Variants in HTT observed in about 807,000 individuals in gnomAD.
HTT encodes the protein huntington disease protein.
Under a neutral mutation model 362.3 loss-of-function variants are expected in HTT, and 104 were observed. The observed-to-expected ratio is 0.29, with a 90% CI of 0.24 to 0.34. The LOEUF (loss-of-function observed/expected upper bound fraction) is 0.34, where lower values mean the gene tolerates loss of function less well. Ranked by LOEUF, HTT falls within the 10% of genes least tolerant of loss-of-function variation. HTT has a pLI of 1.00. For synonymous variants in HTT, 1,577 were observed against 1,548.7 expected (o/e 1.02, Z -0.43); for missense variants, 3,301 against 3,928.6 (o/e 0.84, Z 4.27).
chr4:3,217,096 T>A (rs1301663716), intron 51 of HTT, among the ~76,000 whole-genome samples: 1 of 152,032 alleles, frequency 6.6e-6, no homozygotes, highest in Non-Finnish European at 1.5e-5. Flanking sequence ...CAATGAGAAG[T>A]CCTTCTCTAT....
At chr4:3,136,112 A>G (rs748244195) in intron 20 of HTT, 114 bp from the exon 21 acceptor site, 183 of 897,684 alleles carry the variant, frequency 2.0e-4, no homozygotes, top group Non-Finnish European at 2.5e-4. Context: ...ATCTTGTCAT[A>G]TGGATTTAAG....
intron 1 of HTT, among the ~76,000 whole-genome samples, chr4:3,080,921 A>C (rs145093539): frequency 2.6e-4 from 40 of 152,330 alleles, no homozygotes; most frequent in Non-Finnish European, 5.0e-4. Flanking sequence ...ATTTATTTCT[A>C]GACTGTCAGT....
intron 1 of HTT, among the ~76,000 whole-genome samples, chr4:3,086,100 C>G (rs148195450): frequency 2.0e-5 from 3 of 152,198 alleles, no homozygotes; most frequent in Non-Finnish European, 2.9e-5. Flanking sequence ...TGTGTTTCTT[C>G]TAATTGAATT....
intron 3 of HTT, among the ~76,000 whole-genome samples, chr4:3,100,760 G>A (rs1714112652): frequency 1.3e-5 from 2 of 152,158 alleles, no homozygotes; most frequent in Non-Finnish European, 1.5e-5. Context: ...ACAGGGTCTC[G>A]CTCAGTCACC....
chr4:3,102,092 A>G (rs1714187780), intron 3 of HTT, among the ~76,000 whole-genome samples: 1 of 152,172 alleles, frequency 6.6e-6, no homozygotes, highest in South Asian at 2.1e-4. Flanking sequence ...TGTATCATTT[A>G]GGAAGAGTGA....
rs749684122 is a variant in HTT, at chr4:3,136,226, C to G, written c.2698C>G (p.Leu900Val). 1.4e-5 allele frequency: 22 copies of G among 1,594,038 alleles called. No homozygotes were observed. The highest frequency in any genetic ancestry group is 1.7e-5 in the Non-Finnish European group (20 of 1,163,094). Residue 900 changes from leucine to valine, a missense_variant and splice_region_variant, in exon 21 of 67, where the codon CTT becomes GTT. Around this residue, in one of 4 missense-constraint regions of HTT, gnomAD observed 2,316 missense variants for 2,658.5 expected, o/e 0.87. Coordinates refer to ENST00000355072, the MANE Select transcript of HTT (RefSeq NM_001388492.1). The part of the protein sequence containing the change: ...LHRGAHHYTG[L>V]LKLQERVLNN... ...ATTTTTATTATCCTTCTCTCTAAAG[C>G]TTTTAAAACTGCAAGAACGAGTGCT...
chr4:3,231,768 C>T (rs1028389174), intron 60 of HTT, among the ~76,000 whole-genome samples: 1 of 152,156 alleles, frequency 6.6e-6, no homozygotes, highest in African/African-American at 2.4e-5. Flanking sequence ...GGGTCCTTCT[C>T]CTTTGTGGGA....
At position 3,131,779 on chromosome 4, in the gene HTT, T is replaced by C. The variant is rs1178579120; in HGVS notation, c.2236+4T>C. The C allele has an allele frequency of 1.9e-6, 3 of 1,608,662 alleles. No homozygotes were observed. The highest frequency in any genetic ancestry group is 2.5e-6 in the Non-Finnish European group (3 of 1,177,492). On this transcript the variant is annotated splice_donor_region_variant and intron_variant, in intron 16 of 66. Coordinates refer to ENST00000355072, the MANE Select transcript of HTT (RefSeq NM_001388492.1). The stretch of plus-strand genomic sequence containing the variant: ...CTTGACACCACGGAATACCCTGGTA[T>C]GTTAAAAGTTCACATCTTATTTTCT...
At chr4:3,207,031 A>C (rs1214119794) in intron 44 of HTT, 48 bp downstream of exon 44, 59 of 1,539,174 alleles carry the variant, frequency 3.8e-5, no homozygotes, top group Non-Finnish European at 5.0e-5. Flanking sequence ...AAAATTTAGC[A>C]GGCCAAGCAA....
chr4:3,110,500 G>A (rs746529919), intron 6 of HTT, among the ~76,000 whole-genome samples: 4 of 152,110 alleles, frequency 2.6e-5, no homozygotes, highest in African/African-American at 7.2e-5. Flanking sequence ...CAGTTCTCCC[G>A]TTGGATGCCC....
chr4:3,105,518 C>G, intron 5 of HTT, 82 bp downstream of exon 5: 5 of 953,780 alleles, frequency 5.2e-6, no homozygotes, highest in Non-Finnish European at 6.9e-6. Flanking sequence ...GATGTCATTT[C>G]AAAAGTCTGC....
chr4:3,081,668 C>T (rs368566102), intron 1 of HTT, among the ~76,000 whole-genome samples: 1 of 149,248 alleles, frequency 6.7e-6, no homozygotes, highest in Non-Finnish European at 1.5e-5. Context: ...AAGACATTCT[C>T]CTGCACGGCC....
At chr4:3,236,930 C>T (rs1463532646) in intron 64 of HTT, among the ~76,000 whole-genome samples, 2 of 152,214 alleles carry the variant, frequency 1.3e-5, no homozygotes, top group African/African-American at 2.4e-5. Context: ...ACTGCCTTGC[C>T]TGTGCTCTCC....
At chr4:3,119,490 T>G (rs903132571) in intron 8 of HTT, among the ~76,000 whole-genome samples, 1 of 152,228 alleles carries the variant, frequency 6.6e-6, no homozygotes, top group African/African-American at 2.4e-5. Context: ...GTGACTGGAC[T>G]CAGAAAGAAA....
intron 26 of HTT, among the ~76,000 whole-genome samples, chr4:3,150,908 G>A (rs572323816): frequency 3.9e-5 from 6 of 152,130 alleles, no homozygotes; most frequent in Non-Finnish European, 8.8e-5. Context: ...GTGTGGTGGC[G>A]GGCGCCCATA....
At position 3,228,690 on chromosome 4, in the gene HTT, G is replaced by A. The variant is rs776528909; in HGVS notation, c.7924G>A (p.Glu2642Lys). The A allele has an allele frequency of 9.3e-6, 15 of 1,610,756 alleles. No individual in the cohort carries two copies. The highest frequency in any genetic ancestry group is 1.3e-5 in the Non-Finnish European group (15 of 1,178,056). ...GGAGGAATGGGACGAGGAAGAGGAG[G>A]AGGAGGCCGACGCCCCTGCACCTTC... ...REEEWDEEEE[E>K]EADAPAPSSP... is the part of the protein sequence containing the mutation. The change falls in exon 58 of 67, where the codon GAG becomes AAG. Residue 2642 changes from glutamate to lysine, a missense_variant. This residue lies in a region of HTT where 753 missense variants were observed against 1,021.3 expected (regional missense o/e 0.74). Transcript: ENST00000355072. This position sits in a 1 kb window ranked among gnomAD's most constrained non-coding sequence, Gnocchi z 4.3.
chr4:3,074,929 A>ACCGCC lies in HTT; in HGVS notation c.104_105insCCGCC (p.Gln35HisfsTer68), dbSNP rs1560535078. 2.1e-6 allele frequency: 3 copies of ACCGCC among 1,418,860 alleles called. No individual in the cohort carries two copies. Among genetic ancestry groups the ACCGCC allele is most frequent in the African/African-American group, 3.3e-5 (2 of 61,172 alleles). 87.9% of individuals were successfully genotyped at this position (1,418,860 alleles called of 1,614,324 possible). A position where few individuals can be genotyped will look rare whatever the true frequency, so the allele number is the denominator to read the frequency against. ...CAGCAGCAGCAGCAGCAGCAGCAGC[A>ACCGCC]GCAGCAACAGCCGCCACCGCCGCCG... On this transcript the variant is annotated frameshift_variant, in exon 1 of 67. Coordinates refer to ENST00000355072, the MANE Select transcript of HTT (RefSeq NM_001388492.1). LOFTEE classifies it high-confidence loss of function.
At chr4:3,150,078 C>A (rs540043387) in intron 26 of HTT, among the ~76,000 whole-genome samples, 1 of 152,314 alleles carries the variant, frequency 6.6e-6, no homozygotes, top group East Asian at 1.9e-4. Context: ...TCACTGGGTT[C>A]AGTCCTTCCT....
intron 2 of HTT, among the ~76,000 whole-genome samples, chr4:3,096,877 G>T (rs1028689590): frequency 2.0e-5 from 3 of 152,228 alleles, no homozygotes; most frequent in Admixed American, 6.5e-5. Context: ...CTGCCACTTT[G>T]GGAGGCCGAG....
Sources: allele counts gnomAD v4.1 joint callset (sites outside exome capture counted in the v4.1 genomes callset), GRCh38; gene constraint gnomAD v4.1.1; regional missense constraint gnomAD v4.1.1; non-coding constraint Gnocchi (gnomAD v3.1); transcripts MANE v1.5; gene names NCBI Gene and HGNC (gene_info 2026-07-23, HGNC 2026-07-21).